Variants in GRM5 observed in about 807,000 individuals in gnomAD.
The protein encoded by GRM5 is metabotropic glutamate receptor 5.
GRM5 carries 19 observed loss-of-function variants against 83.1 expected under a neutral mutation model. That is an observed-to-expected ratio of 0.23 (90% CI 0.16 to 0.34). The LOEUF is 0.34. Among genes scored for constraint, GRM5 ranks in the 10% least tolerant of loss-of-function variants. GRM5 has a pLI of 1.00. For missense variants in GRM5, 1,160 were observed against 1,588.3 expected (o/e 0.73, Z 4.58); for synonymous variants, 675 against 633.6 (o/e 1.07, Z -0.98).
chr11:88,591,515 G>A (rs373063898), intron 6 of GRM5, among the ~76,000 whole-genome samples: 13 of 152,230 alleles, frequency 8.5e-5, no homozygotes, highest in Middle Eastern at 3.4e-3. Context: ...AAGCCTCTCC[G>A]GAATAGACAG....
intron 3 of GRM5, among the ~76,000 whole-genome samples, chr11:88,812,184 C>G (rs1250348762): frequency 1.3e-5 from 2 of 152,082 alleles, no homozygotes; most frequent in Admixed American, 6.6e-5. Context: ...TCGATAATTT[C>G]ATAAATATCC....
chr11:88,645,322 G>C (rs949838444), intron 4 of GRM5, among the ~76,000 whole-genome samples: 1 of 152,092 alleles, frequency 6.6e-6, no homozygotes, highest in African/African-American at 2.4e-5. Flanking sequence ...GTCAAAGTAA[G>C]AACAGAAAAC....
chr11:88,869,440 T>C (rs1323937367), intron 2 of GRM5, among the ~76,000 whole-genome samples: 3 of 151,664 alleles, frequency 2.0e-5, no homozygotes, highest in Non-Finnish European at 4.4e-5. Flanking sequence ...GCAATGACTG[T>C]TCATAATCCC....
intron 2 of GRM5, among the ~76,000 whole-genome samples, chr11:89,018,828 A>T (rs1940916920): frequency 6.6e-6 from 1 of 152,228 alleles, no homozygotes; most frequent in South Asian, 2.1e-4. Context: ...ATAGTTGTAG[A>T]TTTATAGAAC....
intron 2 of GRM5, among the ~76,000 whole-genome samples, chr11:89,038,076 A>C (rs1011072284): frequency 9.2e-5 from 14 of 152,108 alleles, no homozygotes; most frequent in African/African-American, 3.4e-4. Context: ...TGGTTTTACA[A>C]ATAACTTATG....
At chr11:88,570,888 A>G (rs572894559) in intron 7 of GRM5, among the ~76,000 whole-genome samples, 2 of 151,844 alleles carry the variant, frequency 1.3e-5, no homozygotes, top group East Asian at 3.9e-4. Context: ...TTATTATTTT[A>G]TATTAGTTCA....
At chr11:88,709,310 AGG>A (rs1252492098) in intron 3 of GRM5, among the ~76,000 whole-genome samples, 1 of 152,006 alleles carries the variant, frequency 6.6e-6, no homozygotes. Context: ...GGGGAGAATG[AGG>A]GGATGGACCA....
chr11:88,705,563 A>C (rs1443900784), intron 3 of GRM5, among the ~76,000 whole-genome samples: 3 of 151,320 alleles, frequency 2.0e-5, no homozygotes, highest in Admixed American at 1.3e-4. Flanking sequence ...ACATGGAGTT[A>C]GGTGGTGCTG....
chr11:88,874,647 A>AGAGACAAC (rs1380281401), intron 2 of GRM5, among the ~76,000 whole-genome samples: 1 of 151,962 alleles, frequency 6.6e-6, no homozygotes, highest in Admixed American at 6.6e-5. Flanking sequence ...TCAAGAGTGA[A>AGAGACAAC]GAGACAACCT....
In GRM5 at chr11:88,951,961, T is replaced by G. The variant is rs527282526; in HGVS notation, c.661+95251A>C. On this transcript the variant is annotated intron_variant, in intron 2 of 9. Coordinates refer to ENST00000305447, the MANE Select transcript of GRM5 (RefSeq NM_001143831.3). Reference sequence around the variant, plus strand: ...GCTCTATATTGACTGTTCTGGTCACTGTTTTGTTTATGATACAAAGAAGAT... The same window carrying G: ...GCTCTATATTGACTGTTCTGGTCACGGTTTTGTTTATGATACAAAGAAGAT... Among the ~76,000 whole-genome samples, 9 of 152,336 alleles carry G rather than the reference T, an allele frequency of 5.9e-5. No homozygotes were observed. The South Asian group carries it at 1.9e-3, about 32-fold the overall frequency.
chr11:88,947,559 T>C (rs1783917867), intron 2 of GRM5, among the ~76,000 whole-genome samples: 1 of 151,790 alleles, frequency 6.6e-6, no homozygotes. Context: ...CTATTATCCC[T>C]CTCTAATCTT....
At chr11:88,994,319 C>A (rs1391147531) in intron 2 of GRM5, among the ~76,000 whole-genome samples, 4 of 151,672 alleles carry the variant, frequency 2.6e-5, no homozygotes, top group African/African-American at 9.7e-5. Flanking sequence ...AAGCAATCTA[C>A]ACATTAAATG....
chr11:88,716,014 C>T (rs1941391836), intron 3 of GRM5, among the ~76,000 whole-genome samples: 1 of 151,912 alleles, frequency 6.6e-6, no homozygotes, highest in African/African-American at 2.4e-5. Context: ...CTTTTGAATT[C>T]TATGACTTTC....
intron 9 of GRM5, among the ~76,000 whole-genome samples, chr11:88,514,139 C>T (rs550056496): frequency 1.6e-4 from 24 of 152,222 alleles, no homozygotes; most frequent in African/African-American, 4.6e-4. Flanking sequence ...CCAAAAGTAA[C>T]GTCTTGCTCT....
At chr11:88,721,320 C>T (rs571711934) in intron 3 of GRM5, among the ~76,000 whole-genome samples, 3 of 152,084 alleles carry the variant, frequency 2.0e-5, no homozygotes, top group African/African-American at 4.8e-5. Flanking sequence ...GGGAAGAGTT[C>T]GCATCTTGTC....
intron 3 of GRM5, among the ~76,000 whole-genome samples, chr11:88,655,709 T>C (rs888811973): frequency 2.0e-5 from 3 of 151,520 alleles, no homozygotes; most frequent in Non-Finnish European, 2.9e-5. Context: ...TTTCTGTAAG[T>C]TTAATAACTT....
chr11:88,574,985 C>CTTTTTT (rs796257304), intron 7 of GRM5, among the ~76,000 whole-genome samples: 1,944 of 115,930 alleles, frequency 0.017, 26 homozygotes, highest in African/African-American at 0.058. Context: ...CTTTTCTTTT[C>CTTTTTT]TTTTTTTTTT....
At chr11:88,969,021 G>A (rs984104396) in intron 2 of GRM5, among the ~76,000 whole-genome samples, 7 of 151,948 alleles carry the variant, frequency 4.6e-5, no homozygotes, top group South Asian at 4.2e-4. Flanking sequence ...CTGAAAGTAC[G>A]ACAATTATTT....
intron 1 of GRM5, among the ~76,000 whole-genome samples, chr11:89,053,605 C>T (rs751509128): frequency 6.6e-6 from 1 of 151,118 alleles, no homozygotes; most frequent in Non-Finnish European, 1.5e-5. Flanking sequence ...AGCCTGTATT[C>T]GAAGAGGGTT....
Sources: gnomAD v4.1 joint callset for allele counts (sites outside exome capture counted in the v4.1 genomes callset) on GRCh38, gnomAD v4.1.1 for gene constraint, MANE v1.5 for transcripts, NCBI Gene and HGNC (gene_info 2026-07-23, HGNC 2026-07-21) for gene names.